The following TMEM178A variants were observed in gnomAD, a reference collection of about 807,000 sequenced individuals.
TMEM178A encodes the protein transmembrane protein 178.
A neutral mutation model predicts 29.1 loss-of-function variants in TMEM178A; 12 were observed. The ratio of observed to expected loss-of-function variants is 0.41; its 90% CI spans 0.26 to 0.67. The LOEUF (loss-of-function observed/expected upper bound fraction) is 0.67. TMEM178A is among the 30% of genes least tolerant of loss of function. The pLI is 0.29. For synonymous variants in TMEM178A, 210 were observed against 187.2 expected, an observed-to-expected ratio of 1.12 and a Z score of -0.99; for missense variants, 366 against 419.1, an observed-to-expected ratio of 0.87 and a Z score of 1.11.
chr2:39,667,919 T>C (rs745348362), intron 1 of TMEM178A, among the ~76,000 whole-genome samples: 1 of 152,254 alleles, frequency 6.6e-6, no homozygotes, highest in Non-Finnish European at 1.5e-5. Context: ...GGCTCAGTTA[T>C]GGAGTGCTCA....
chr2:39,673,912 C>T (rs951774449), intron 1 of TMEM178A, among the ~76,000 whole-genome samples: 1 of 151,918 alleles, frequency 6.6e-6, no homozygotes, highest in African/African-American at 2.4e-5. Context: ...TAGTGAAAAA[C>T]AGGGGTGGTC....
chr2:39,669,731 T>C (rs1670332043), intron 1 of TMEM178A, among the ~76,000 whole-genome samples: 1 of 152,210 alleles, frequency 6.6e-6, no homozygotes, highest in Admixed American at 6.5e-5. Context: ...AGTTTAAACA[T>C]AGTTATTTTT....
At chr2:39,718,887 T>C (rs1672644837), downstream of TMEM178A, among the ~76,000 whole-genome samples, 1 of 152,220 alleles carries the variant, frequency 6.6e-6, no homozygotes, top group Non-Finnish European at 1.5e-5. Context: ...TTCCAGAATA[T>C]GCTGTTTCAG....
chr2:39,683,003 A>G (rs1161114870), intron 1 of TMEM178A, among the ~76,000 whole-genome samples: 2 of 152,226 alleles, frequency 1.3e-5, no homozygotes, highest in Non-Finnish European at 2.9e-5. Context: ...GGGGGATGGC[A>G]GTGGCAAAGG....
At chr2:39,669,698 TAAAAC>T (rs1306878730) in intron 1 of TMEM178A, among the ~76,000 whole-genome samples, 2 of 152,146 alleles carry the variant, frequency 1.3e-5, no homozygotes, top group Non-Finnish European at 2.9e-5. Context: ...GACTGACAAA[TAAAAC>T]AAAATATTTG....
chr2:39,704,453 C>G (rs1027945748), intron 2 of TMEM178A, among the ~76,000 whole-genome samples: 1 of 152,160 alleles, frequency 6.6e-6, no homozygotes, highest in Admixed American at 6.5e-5. Flanking sequence ...CAGCTGCCTA[C>G]TGAATCTTTT....
At chr2:39,707,244 G>A (rs1283805667) in intron 3 of TMEM178A, 58 bp downstream of exon 3, 43 of 1,527,048 alleles carry the variant, frequency 2.8e-5, no homozygotes, top group African/African-American at 4.2e-5. Flanking sequence ...CTCTGCATGC[G>A]GCTAGCTAGT....
At chr2:39,675,843 G>T (rs576340411) in intron 1 of TMEM178A, among the ~76,000 whole-genome samples, 1 of 152,018 alleles carries the variant, frequency 6.6e-6, no homozygotes, top group African/African-American at 2.4e-5. Context: ...GCAGTGGCGC[G>T]GTCATACTTT....
chr2:39,687,048 T>C (rs1025216396), intron 1 of TMEM178A, among the ~76,000 whole-genome samples: 13 of 149,812 alleles, frequency 8.7e-5, no homozygotes, highest in Non-Finnish European at 1.5e-4. Context: ...GGTAGTAAAG[T>C]ACCGGTCTGG....
chr2:39,692,053 C>A (rs1671337442), intron 1 of TMEM178A, among the ~76,000 whole-genome samples: 1 of 151,892 alleles, frequency 6.6e-6, no homozygotes, highest in Non-Finnish European at 1.5e-5. Flanking sequence ...GTGAAATAAG[C>A]CAGTTGCAGA....
At chr2:39,735,817 G>A in the TMEM178A span, among the ~76,000 whole-genome samples, 1 of 152,372 alleles carries the variant, frequency 6.6e-6, no homozygotes, top group African/African-American at 2.4e-5. Context: ...ATGTTCTGGT[G>A]AAGATCGCTT....
At chr2:39,732,232 A>G in the TMEM178A span, among the ~76,000 whole-genome samples, 1 of 152,300 alleles carries the variant, frequency 6.6e-6, no homozygotes, top group East Asian at 1.9e-4. Context: ...AAATTCCCAC[A>G]GGTGCCAGCA....
the TMEM178A span, among the ~76,000 whole-genome samples, chr2:39,733,482 C>T: frequency 1.7e-4 from 26 of 152,236 alleles, no homozygotes; most frequent in African/African-American, 3.1e-4. Context: ...TCATCTTGGC[C>T]GCAGGTTCTG....
chr2:39,671,835 CATCTG>C (rs1670420640), intron 1 of TMEM178A, among the ~76,000 whole-genome samples: 1 of 152,236 alleles, frequency 6.6e-6, no homozygotes, highest in African/African-American at 2.4e-5. Flanking sequence ...CCAAGTCTCT[CATCTG>C]AGCAGAGGAG....
At chr2:39,701,136 C>A (rs1164984605) in intron 1 of TMEM178A, among the ~76,000 whole-genome samples, 1 of 151,968 alleles carries the variant, frequency 6.6e-6, no homozygotes, top group African/African-American at 2.4e-5. Context: ...TATGTTGTAA[C>A]CTTTACATGT....
intron 1 of TMEM178A, among the ~76,000 whole-genome samples, chr2:39,667,688 A>T (rs1203440185): frequency 6.6e-6 from 1 of 152,160 alleles, no homozygotes; most frequent in Non-Finnish European, 1.5e-5. Context: ...CCTCCTTCCC[A>T]TGGCTAACTC....
chr2:39,675,403 G>A (rs952985590), intron 1 of TMEM178A, among the ~76,000 whole-genome samples: 9 of 112,290 alleles, frequency 8.0e-5, no homozygotes, highest in Non-Finnish European at 3.5e-5. Flanking sequence ...TGACAGGAGA[G>A]GTTATAAAAG....
rs531449900 is a variant in TMEM178A at position 39,702,674 on chromosome 2, T to TA, written c.401-1394dup. ...TGGGGCTCATGTTGAAAAAACAAAT[T>TA]AAAAAAAAAAAAAGAACTTCGAATT... On this transcript the variant is annotated intron_variant, in intron 1 of 3. Transcript: ENST00000281961. Among the ~76,000 whole-genome samples, 617 of 124,516 alleles carry TA rather than the reference T, an allele frequency of 5.0e-3. 1 individual carries two copies. Among genetic ancestry groups the TA allele is most frequent in the African/African-American group, 0.015 (534 of 34,472 alleles). 81.7% of individuals were successfully genotyped at this position (124,516 alleles called of 152,430 possible). A position where few individuals can be genotyped will look rare whatever the true frequency, so the allele number is the denominator to read the frequency against.
chr2:39,670,330 A>T (rs1177242109), intron 1 of TMEM178A, among the ~76,000 whole-genome samples: 1 of 152,178 alleles, frequency 6.6e-6, no homozygotes, highest in Non-Finnish European at 1.5e-5. Context: ...CAACAAATAG[A>T]TGTTGGAGTG....
Sources: allele counts gnomAD v4.1 joint callset (sites outside exome capture counted in the v4.1 genomes callset), GRCh38; gene constraint gnomAD v4.1.1; transcripts MANE v1.5; gene names NCBI Gene and HGNC (gene_info 2026-07-23, HGNC 2026-07-21).